SNTG1: variants seen among roughly 807,000 people sequenced by gnomAD.
The protein encoded by SNTG1 is syntrophin gamma 1.
Under a neutral mutation model 74.7 loss-of-function variants are expected in SNTG1, and 39 were observed. The ratio of observed to expected loss-of-function variants is 0.52; its 90% CI spans 0.40 to 0.68. SNTG1 has a LOEUF of 0.68. SNTG1 is among the 30% of genes least tolerant of loss of function. SNTG1 has a pLI of 0.00. For synonymous variants in SNTG1, 254 were observed against 217.1 expected (o/e 1.17, Z -1.49); for missense variants, 685 against 609.5 (o/e 1.12, Z -1.30).
At chr8:50,037,405 C>T (rs1818258145) in intron 1 of SNTG1, among the ~76,000 whole-genome samples, 2 of 152,126 alleles carry the variant, frequency 1.3e-5, no homozygotes, top group African/African-American at 4.8e-5. Flanking sequence ...CCAATGATGC[C>T]AGCCTGTGAA....
At chr8:49,914,768 A>G (rs955295054) in intron 1 of SNTG1, among the ~76,000 whole-genome samples, 15 of 152,196 alleles carry the variant, frequency 9.9e-5, no homozygotes, top group African/African-American at 3.1e-4. Flanking sequence ...TTGACCACTT[A>G]AAGATTTATA....
chr8:50,644,835 C>T (rs1261310525), intron 13 of SNTG1, among the ~76,000 whole-genome samples: 1 of 151,498 alleles, frequency 6.6e-6, no homozygotes, highest in African/African-American at 2.4e-5. Flanking sequence ...GCCTCCTTGG[C>T]AAATAATTTT....
chr8:50,767,390 C>T (rs1456034013), intron 18 of SNTG1, among the ~76,000 whole-genome samples: 1 of 151,806 alleles, frequency 6.6e-6, no homozygotes, highest in Admixed American at 6.6e-5. Flanking sequence ...TATCTTTTTG[C>T]TGTTGTTGTT....
At chr8:50,098,696 T>C (rs1297023551) in intron 1 of SNTG1, among the ~76,000 whole-genome samples, 1 of 148,672 alleles carries the variant, frequency 6.7e-6, no homozygotes, top group Non-Finnish European at 1.5e-5. Flanking sequence ...ATGAGATCCA[T>C]ATAAGATGTG....
chr8:50,376,756 T>TATAGAGAGAGAGAGAGAG (rs1381048539), intron 2 of SNTG1, among the ~76,000 whole-genome samples: 148 of 89,934 alleles, frequency 1.6e-3, no homozygotes, highest in Non-Finnish European at 2.8e-3. Flanking sequence ...TATATATATA[T>TATAGAGAGAGAGAGAGAG]AGAGAGAGAG....
At chr8:50,173,062 C>G (rs897602972) in intron 2 of SNTG1, among the ~76,000 whole-genome samples, 2 of 149,502 alleles carry the variant, frequency 1.3e-5, no homozygotes, top group African/African-American at 4.9e-5. Flanking sequence ...CTGAGAAGGG[C>G]AGACACTCAA....
chr8:50,242,852 T>C (rs942439850), intron 2 of SNTG1, among the ~76,000 whole-genome samples: 1 of 151,442 alleles, frequency 6.6e-6, no homozygotes, highest in Non-Finnish European at 1.5e-5. Flanking sequence ...TAAGCACATA[T>C]ACTACCTTTT....
intron 2 of SNTG1, among the ~76,000 whole-genome samples, chr8:50,342,383 A>T (rs16914723): frequency 6.6e-6 from 1 of 151,994 alleles, no homozygotes; most frequent in Non-Finnish European, 1.5e-5. Context: ...ACAATAATTG[A>T]CTCCTTACTT....
intron 2 of SNTG1, among the ~76,000 whole-genome samples, chr8:50,317,489 A>G (rs753066007): frequency 6.6e-6 from 1 of 152,234 alleles, no homozygotes; most frequent in African/African-American, 2.4e-5. Context: ...GCACATGCCT[A>G]TCCTTAAAGA....
intron 1 of SNTG1, among the ~76,000 whole-genome samples, chr8:50,132,495 C>T (rs59268471): frequency 0.081 from 12,362 of 152,098 alleles, 1,623 homozygotes; most frequent in African/African-American, 0.28. Flanking sequence ...TAGACATTCT[C>T]ATTCCAAAGG....
Position 50,028,082 on chromosome 8 carries a change from G to A in SNTG1, c.-103+115851G>A, listed in dbSNP as rs576984439. Among the ~76,000 whole-genome samples, 4 of 152,128 alleles carry A rather than the reference G, an allele frequency of 2.6e-5. No individual in the cohort carries two copies. The South Asian group carries it at 6.2e-4, about 24-fold the overall frequency. ...AACCACCACTGGCATCAATATATGG[G>A]ACTATTCCATTACTAACAAAGAGTG... is the stretch of plus-strand genomic sequence containing the variant. On this transcript the variant is annotated intron_variant, in intron 1 of 18. Coordinates refer to ENST00000642720, the MANE Select transcript of SNTG1 (RefSeq NM_018967.5).
chr8:50,776,428 A>AT (rs1266984663), intron 18 of SNTG1, among the ~76,000 whole-genome samples: 2 of 147,326 alleles, frequency 1.4e-5, no homozygotes, highest in African/African-American at 4.9e-5. Context: ...AGCTTATAAT[A>AT]TTTATATGTT....
intron 15 of SNTG1, among the ~76,000 whole-genome samples, chr8:50,689,914 G>A (rs761219123): frequency 3.6e-4 from 55 of 151,988 alleles, no homozygotes; most frequent in East Asian, 7.7e-4. Context: ...TGATTATTGC[G>A]TCAATTTCAG....
intron 17 of SNTG1, among the ~76,000 whole-genome samples, chr8:50,722,615 TC>T (rs2095490523): frequency 6.6e-6 from 1 of 152,184 alleles, no homozygotes; most frequent in African/African-American, 2.4e-5. Context: ...AACGTATTTT[TC>T]TTTTATATTC....
intron 15 of SNTG1, among the ~76,000 whole-genome samples, chr8:50,702,573 C>T (rs2095429871): frequency 6.6e-6 from 1 of 152,170 alleles, no homozygotes; most frequent in Non-Finnish European, 1.5e-5. Context: ...GATACACTTA[C>T]ATCCCTCCTT....
At chr8:50,473,501 C>G (rs1473138120) in intron 8 of SNTG1, among the ~76,000 whole-genome samples, 7 of 152,148 alleles carry the variant, frequency 4.6e-5, no homozygotes, top group Admixed American at 6.5e-5. Context: ...TTATGAAGAA[C>G]AGTATGATGG....
At chr8:50,653,658 A>G (rs1166580740) in intron 13 of SNTG1, among the ~76,000 whole-genome samples, 2 of 152,152 alleles carry the variant, frequency 1.3e-5, no homozygotes, top group East Asian at 3.9e-4. Flanking sequence ...TAACGTAGTT[A>G]CTTTTCTTTT....
intron 1 of SNTG1, among the ~76,000 whole-genome samples, chr8:50,015,509 T>C (rs1315604426): frequency 6.7e-6 from 1 of 148,438 alleles, no homozygotes; most frequent in African/African-American, 2.6e-5. Context: ...TTTCCAAATT[T>C]GTGTAAAAAA....
intron 2 of SNTG1, among the ~76,000 whole-genome samples, chr8:50,266,607 G>T (rs937288572): frequency 6.7e-6 from 1 of 149,674 alleles, no homozygotes; most frequent in African/African-American, 2.4e-5. Context: ...ATTTTGGTGG[G>T]GCATATGGTA....
Sources: allele counts gnomAD v4.1 joint callset (sites outside exome capture counted in the v4.1 genomes callset), GRCh38; gene constraint gnomAD v4.1.1; transcripts MANE v1.5; gene names NCBI Gene and HGNC (gene_info 2026-07-23, HGNC 2026-07-21).